Variants in PDXDC1 observed in about 807,000 individuals in gnomAD.
The protein encoded by PDXDC1 is pyridoxal-dependent decarboxylase domain-containing protein 1.
PDXDC1 carries 42 observed loss-of-function variants against 100.1 expected under a neutral mutation model. The observed-to-expected ratio is 0.42, with a 90% CI of 0.33 to 0.54. The LOEUF (loss-of-function observed/expected upper bound fraction) is 0.54, where lower values mean the gene tolerates loss of function less well. Among genes scored for constraint, PDXDC1 ranks in the 20% least tolerant of loss-of-function variants. The pLI is 0.10. For missense variants in PDXDC1, 636 were observed against 979.2 expected, an observed-to-expected ratio of 0.65 and a Z score of 4.68; for synonymous variants, 260 against 371.7, an observed-to-expected ratio of 0.70 and a Z score of 3.46.
chr16:15,131,498 G>T (rs529996460), intron 16 of PDXDC1: 9 of 1,607,346 alleles, frequency 5.6e-6, no homozygotes, highest in Non-Finnish European at 7.6e-6. Flanking sequence ...AGCAGGCTCC[G>T]CGGGTCCGAG....
chr16:15,080,044 C>T (rs746631433), intron 16 of PDXDC1: 2 of 1,601,992 alleles, frequency 1.2e-6, no homozygotes, highest in African/African-American at 2.7e-5. Context: ...AATTTCATGC[C>T]TCAAGGTTGG....
intron 16 of PDXDC1, among the ~76,000 whole-genome samples, chr16:15,093,451 T>C (rs1363665972): frequency 6.6e-6 from 1 of 152,226 alleles, no homozygotes; most frequent in Non-Finnish European, 1.5e-5. Context: ...TTGGCCTATG[T>C]ACTGCCTTTC....
Position 15,032,274 on chromosome 16 carries a change from A to T in PDXDC1, c.1571+368A>T, listed in dbSNP as rs1260579116. 6 of 232,412 alleles carry T rather than the reference A, an allele frequency of 2.6e-5. 1 individual carries two copies. The South Asian group carries it at 5.2e-4, about 20-fold the overall frequency. The allele number at this position is 232,412 out of a possible 1,614,324, so 14.4% of individuals were successfully genotyped here. On this transcript the variant is annotated intron_variant, in intron 17 of 22. Transcript: ENST00000396410. The stretch of plus-strand genomic sequence containing the variant: ...CGGGGAGAGAACTGGGTGCAGTCCT[A>T]TGGCTGCTTTCTCGCCTTCAGAGGT...
rs895784831 is a variant in PDXDC1 at position 15,104,331 on chromosome 16, A to C, written c.1400-34548A>C. On this transcript the variant is annotated intron_variant, in intron 16 of 16. Transcript: ENST00000535621. Reference sequence around the variant, plus strand: ...GCAGTATTCATTTTATTTTTATATTATTTATTTATTCTTCGTTAGTTTCTT... The same window carrying C: ...GCAGTATTCATTTTATTTTTATATTCTTTATTTATTCTTCGTTAGTTTCTT... The C allele has an allele frequency of 5.1e-6, 8 of 1,562,286 alleles. No homozygotes were observed. The African/African-American group carries it at 8.2e-5, about 16-fold the overall frequency.
At chr16:15,145,997 G>C in the PDXDC1 span, among the ~76,000 whole-genome samples, 3 of 152,332 alleles carry the variant, frequency 2.0e-5, no homozygotes, top group South Asian at 6.2e-4. Context: ...CACGAGCAGG[G>C]GGAGAGGCAC....
chr16:14,987,367 T>G (rs1015483349), intron 1 of PDXDC1, among the ~76,000 whole-genome samples: 1 of 152,286 alleles, frequency 6.6e-6, no homozygotes, highest in African/African-American at 2.4e-5. Context: ...AGAATTTTAC[T>G]TAGTTTTAAA....
At chr16:14,987,812 A>G (rs1186027719) in intron 1 of PDXDC1, among the ~76,000 whole-genome samples, 25 of 152,320 alleles carry the variant, frequency 1.6e-4, no homozygotes, top group African/African-American at 5.3e-4. Flanking sequence ...GGGTTTTGCT[A>G]TGTTGGCCAG....
chr16:15,149,097 C>T, the PDXDC1 span, among the ~76,000 whole-genome samples: 1 of 152,218 alleles, frequency 6.6e-6, no homozygotes, highest in African/African-American at 2.4e-5. Flanking sequence ...CTCCGCTCGG[C>T]TGCCAGGGCT....
At chr16:15,101,879 TG>T (rs1483979496) in intron 16 of PDXDC1, among the ~76,000 whole-genome samples, 5 of 151,804 alleles carry the variant, frequency 3.3e-5, no homozygotes, top group Admixed American at 1.3e-4. Context: ...GACAGAGTCT[TG>T]CTCTGTTGCT....
intron 16 of PDXDC1, among the ~76,000 whole-genome samples, chr16:15,052,910 C>CAAA (rs1392801021): frequency 1.3e-5 from 2 of 152,066 alleles, no homozygotes; most frequent in African/African-American, 4.8e-5. Context: ...AACCGTATTA[C>CAAA]CCAAGATGTT....
At chr16:14,977,466 G>T (rs1966961327) in intron 1 of PDXDC1, among the ~76,000 whole-genome samples, 1 of 152,248 alleles carries the variant, frequency 6.6e-6, no homozygotes, top group Admixed American at 6.5e-5. Flanking sequence ...TCCCAGTAGA[G>T]ATGGGGTTTC....
chr16:15,033,192 G>A, intron 18 of PDXDC1, 86 bp from the exon 19 acceptor site: 2 of 1,469,836 alleles, frequency 1.4e-6, no homozygotes, highest in Non-Finnish European at 1.9e-6. Context: ...TTTGTGTGTG[G>A]TCAGGACCCT....
intron 16 of PDXDC1, among the ~76,000 whole-genome samples, chr16:15,066,526 G>C (rs1264822747): frequency 5.9e-5 from 9 of 151,706 alleles, no homozygotes. Flanking sequence ...CCAGCTATTC[G>C]GGAGGCTGAG....
At chr16:14,987,896 G>A (rs1597313247) in intron 1 of PDXDC1, among the ~76,000 whole-genome samples, 1 of 151,244 alleles carries the variant, frequency 6.6e-6, no homozygotes, top group Non-Finnish European at 1.5e-5. Context: ...ACAGGTGTGA[G>A]CCACTGCGCC....
chr16:15,129,950 G>A lies in PDXDC1; in HGVS notation c.1400-8929G>A, dbSNP rs970092461. 2.5e-5 allele frequency: 36 copies of A among 1,430,544 alleles called. 1 individual carries two copies. In the East Asian group the frequency reaches 3.3e-4, roughly 13 times the overall value. 88.6% of individuals were successfully genotyped at this position (1,430,544 alleles called of 1,614,324 possible). A position where few individuals can be genotyped will look rare whatever the true frequency, so the allele number is the denominator to read the frequency against. ...GAAGCGGCCCCGCTGCCCACAGAAG[G>A]GGATGGCGCGGCCCCGGCTGGCATC... On this transcript the variant is annotated intron_variant, in intron 16 of 16. Coordinates refer to the PDXDC1 transcript ENST00000535621.
chr16:15,067,216 G>C (rs1042605683), intron 16 of PDXDC1, among the ~76,000 whole-genome samples: 1 of 151,944 alleles, frequency 6.6e-6, no homozygotes, highest in African/African-American at 2.4e-5. Context: ...GCTCTTATCT[G>C]TTGAAGATTT....
chr16:15,063,718 A>AC (rs1217960626), intron 16 of PDXDC1, among the ~76,000 whole-genome samples: 1 of 151,110 alleles, frequency 6.6e-6, no homozygotes, highest in Non-Finnish European at 1.5e-5. Context: ...AAAAAAAAAA[A>AC]AAAAGAAAAA....
chr16:15,064,588 T>C (rs1003190726), intron 16 of PDXDC1, among the ~76,000 whole-genome samples: 1 of 152,156 alleles, frequency 6.6e-6, no homozygotes, highest in Non-Finnish European at 1.5e-5. Context: ...CCCTCCCCTA[T>C]CCTGGCACCA....
At chr16:15,021,808 C>T (rs910679095) in intron 12 of PDXDC1, among the ~76,000 whole-genome samples, 1 of 152,294 alleles carries the variant, frequency 6.6e-6, no homozygotes, top group Admixed American at 6.5e-5. Context: ...CGTAAATCAG[C>T]ATTCGCCTCC....
Sources: gnomAD v4.1 joint callset for allele counts (sites outside exome capture counted in the v4.1 genomes callset) on GRCh38, gnomAD v4.1.1 for gene constraint, MANE v1.5 for transcripts, NCBI Gene and HGNC (gene_info 2026-07-23, HGNC 2026-07-21) for gene names.